The following SHISA6 variants were observed in gnomAD, a reference collection of about 807,000 sequenced individuals.
The protein encoded by SHISA6 is protein shisa-6.
SHISA6 carries 22 observed loss-of-function variants against 47.9 expected under a neutral mutation model. The ratio of observed to expected loss-of-function variants is 0.46; its 90% confidence interval spans 0.33 to 0.66. The LOEUF (loss-of-function observed/expected upper bound fraction) is 0.66, where lower values mean the gene tolerates loss of function less well. SHISA6 is among the 30% of genes least tolerant of loss of function. SHISA6 has a pLI of 0.02. For missense variants in SHISA6, 680 were observed against 764.6 expected (o/e 0.89, Z 1.30); for synonymous variants, 388 against 337.8 (o/e 1.15, Z -1.63).
At chr17:11,542,411 A>G (rs2071842150) in intron 3 of SHISA6, among the ~76,000 whole-genome samples, 1 of 152,232 alleles carries the variant, frequency 6.6e-6, no homozygotes, top group South Asian at 2.1e-4. Flanking sequence ...GTGAAATAAA[A>G]ACATTCTCAG....
At chr17:11,326,485 G>C (rs1203437127) in intron 2 of SHISA6, among the ~76,000 whole-genome samples, 1 of 152,134 alleles carries the variant, frequency 6.6e-6, no homozygotes, top group African/African-American at 2.4e-5. Context: ...GAACCAATAG[G>C]CAGTGAATTC....
At chr17:11,469,837 C>T (rs986789614) in intron 3 of SHISA6, among the ~76,000 whole-genome samples, 3 of 152,122 alleles carry the variant, frequency 2.0e-5, no homozygotes, top group Non-Finnish European at 4.4e-5. Flanking sequence ...GATAGAAATC[C>T]TTACTTTGCG....
intron 3 of SHISA6, among the ~76,000 whole-genome samples, chr17:11,534,164 T>TC (rs2071765166): frequency 6.7e-6 from 1 of 149,204 alleles, no homozygotes; most frequent in African/African-American, 2.5e-5. Context: ...TTTCTTTTTT[T>TC]TTTTTTTTTT....
chr17:11,318,726 ATC>A (rs1910605411), intron 2 of SHISA6, among the ~76,000 whole-genome samples: 1 of 152,212 alleles, frequency 6.6e-6, no homozygotes, highest in Admixed American at 6.5e-5. Context: ...AGTATCTACC[ATC>A]GTTCTTCACA....
intron 3 of SHISA6, among the ~76,000 whole-genome samples, chr17:11,468,156 C>A (rs1037528639): frequency 6.6e-6 from 1 of 152,086 alleles, no homozygotes; most frequent in South Asian, 2.1e-4. Flanking sequence ...CTGCCCTTTC[C>A]TCCTGGTGCC....
At chr17:11,364,910 TATTAC>T (rs1290839060) in intron 2 of SHISA6, among the ~76,000 whole-genome samples, 1 of 152,196 alleles carries the variant, frequency 6.6e-6, no homozygotes. Context: ...TGTAAGGTGG[TATTAC>T]ATTACAGTTA....
Position 11,281,016 on chromosome 17 carries a change from C to T in SHISA6, c.799+17490C>T, listed in dbSNP as rs139273227. ...AAAATACAATTGCTTTTTATATAAA[C>T]ACCTTGTCCTACAAACTTGCATAGT... On this transcript the variant is annotated intron_variant, in intron 2 of 5. Coordinates refer to ENST00000441885, the MANE Select transcript of SHISA6 (RefSeq NM_207386.4). 1.7e-4 allele frequency among the ~76,000 whole-genome samples: 26 copies of T among 152,276 alleles called. 1 individual carries two copies. The East Asian group carries it at 4.8e-3, about 28-fold the overall frequency.
chr17:11,499,853 CA>C (rs1195641256), intron 3 of SHISA6, among the ~76,000 whole-genome samples: 1 of 151,968 alleles, frequency 6.6e-6, no homozygotes, highest in Admixed American at 6.6e-5. Flanking sequence ...AGGTGTGTGC[CA>C]CCACACCCAG....
chr17:11,439,459 G>A (rs796596380), intron 3 of SHISA6, among the ~76,000 whole-genome samples: 97 of 152,278 alleles, frequency 6.4e-4, no homozygotes, highest in Middle Eastern at 3.4e-3. Flanking sequence ...GACTTCAAGC[G>A]TGGAAACTTC....
chr17:11,316,329 C>CTTTTTTTTTTT (rs66540376), intron 2 of SHISA6, among the ~76,000 whole-genome samples: 1 of 103,674 alleles, frequency 9.6e-6, no homozygotes, highest in Non-Finnish European at 1.8e-5. Context: ...ATTTTCAGGT[C>CTTTTTTTTTTT]TTTTTTTTTT....
chr17:11,430,209 T>C (rs913716382), intron 3 of SHISA6, among the ~76,000 whole-genome samples: 1 of 152,198 alleles, frequency 6.6e-6, no homozygotes, highest in African/African-American at 2.4e-5. Flanking sequence ...GGGCCATTTG[T>C]TGAACGTTTC....
At chr17:11,279,583 ATAT>A (rs1439753543) in intron 2 of SHISA6, among the ~76,000 whole-genome samples, 1 of 151,998 alleles carries the variant, frequency 6.6e-6, no homozygotes, top group East Asian at 1.9e-4. Context: ...AAGGTCAGTA[ATAT>A]TATTATTTCT....
chr17:11,434,036 G>A (rs1257830418), intron 3 of SHISA6, among the ~76,000 whole-genome samples: 5 of 149,652 alleles, frequency 3.3e-5, no homozygotes, highest in Admixed American at 2.7e-4. Flanking sequence ...GACACTCCTT[G>A]TTTGGAAACA....
intron 3 of SHISA6, among the ~76,000 whole-genome samples, chr17:11,419,072 G>C (rs891641817): frequency 3.3e-5 from 5 of 151,986 alleles, no homozygotes; most frequent in African/African-American, 1.2e-4. Context: ...TGTGGGGTGG[G>C]GGGAGCGGGG....
In SHISA6 at chr17:11,385,178, A is replaced by C. The variant is rs755182581; in HGVS notation, c.895+5669A>C. On this transcript the variant is annotated intron_variant, in intron 3 of 5. Coordinates refer to ENST00000441885, the MANE Select transcript of SHISA6 (RefSeq NM_207386.4). ...AAGAGAGTCCAGAAGGCCTTAGGAA[A>C]AATAAAAAAAGAAGTGACATTGAGC... Among the ~76,000 whole-genome samples the C allele has an allele frequency of 7.0e-4, 106 of 152,270 alleles. 1 individual carries two copies. The highest frequency in any genetic ancestry group is 1.4e-3 in the Non-Finnish European group (92 of 68,018).
intron 3 of SHISA6, among the ~76,000 whole-genome samples, chr17:11,420,658 G>A (rs1278672371): frequency 1.3e-5 from 2 of 152,172 alleles, no homozygotes; most frequent in African/African-American, 4.8e-5. Flanking sequence ...GGTGAGGTTG[G>A]GCACCGCTGT....
At chr17:11,517,672 CT>C (rs1336534579) in intron 3 of SHISA6, among the ~76,000 whole-genome samples, 1 of 151,932 alleles carries the variant, frequency 6.6e-6, no homozygotes, top group Non-Finnish European at 1.5e-5. Flanking sequence ...CAGCTAGTTT[CT>C]TTTTTTATTG....
intron 2 of SHISA6, among the ~76,000 whole-genome samples, chr17:11,374,512 A>C (rs1597481994): frequency 7.0e-6 from 1 of 142,356 alleles, no homozygotes; most frequent in African/African-American, 3.1e-5. Context: ...ATTTCTGTGT[A>C]TGTGTTTTTG....
intron 2 of SHISA6, among the ~76,000 whole-genome samples, chr17:11,336,280 T>C (rs888772753): frequency 6.6e-6 from 1 of 152,130 alleles, no homozygotes; most frequent in African/African-American, 2.4e-5. Flanking sequence ...GTTTGTTTAT[T>C]TTATGGCTCT....
Sources: allele counts gnomAD v4.1 joint callset (sites outside exome capture counted in the v4.1 genomes callset), GRCh38; gene constraint gnomAD v4.1.1; transcripts MANE v1.5; gene names NCBI Gene and HGNC (gene_info 2026-07-23, HGNC 2026-07-21).